The following KCNJ15 variants were observed in gnomAD, a reference collection of about 807,000 sequenced individuals.
KCNJ15 encodes the protein potassium inwardly rectifying channel subfamily J member 15, also known as ATP-sensitive inward rectifier potassium channel 15.
Under a neutral mutation model 23.0 loss-of-function variants are expected in KCNJ15, and 14 were observed. The ratio of observed to expected loss-of-function variants is 0.61; its 90% CI spans 0.40 to 0.95. KCNJ15 has a LOEUF of 0.95. KCNJ15 is among the 40% of genes least tolerant of loss of function. The pLI, the probability that KCNJ15 is intolerant of heterozygous loss-of-function variation, is 0.00. For synonymous variants in KCNJ15, 185 were observed against 183.2 expected (o/e 1.01, Z -0.08); for missense variants, 388 against 461.8 (o/e 0.84, Z 1.46).
At chr21:38,270,913 T>C (rs1982008058) in intron 1 of KCNJ15, among the ~76,000 whole-genome samples, 1 of 152,232 alleles carries the variant, frequency 6.6e-6, no homozygotes, top group Non-Finnish European at 1.5e-5. Context: ...TCCCTATACG[T>C]TGCATGCATC....
Position 38,299,257 on chromosome 21 carries a change from TG to T in KCNJ15, c.-3del. ...CATTTCTCTAAGTGTTTCCAGAGCC[TG>T]GCAATGGATGCCATTCACATCGGCA... On this transcript the variant is annotated 5_prime_UTR_variant, in exon 3 of 3. Transcript: ENST00000398938. This position sits in a 1 kb window ranked among gnomAD's most constrained non-coding sequence, Gnocchi z 4.5. The T allele has an allele frequency of 6.2e-7, 1 of 1,606,364 alleles. No homozygotes were observed. Among genetic ancestry groups the T allele is most frequent in the Non-Finnish European group, 8.5e-7 (1 of 1,174,870 alleles).
At chr21:38,235,722 C>T (rs1415683525) in intron 1 of KCNJ15, among the ~76,000 whole-genome samples, 1 of 152,124 alleles carries the variant, frequency 6.6e-6, no homozygotes, top group Non-Finnish European at 1.5e-5. Flanking sequence ...TGCACATTTA[C>T]TCTATCAATA....
At chr21:38,293,528 C>T (rs1206766957) in intron 1 of KCNJ15, among the ~76,000 whole-genome samples, 6 of 152,212 alleles carry the variant, frequency 3.9e-5, no homozygotes, top group African/African-American at 1.4e-4. Context: ...ATTGTCACAG[C>T]TCTACCAATA....
chr21:38,253,657 T>G (rs937108296), upstream of KCNJ15, among the ~76,000 whole-genome samples: 6 of 152,242 alleles, frequency 3.9e-5, no homozygotes, highest in African/African-American at 1.4e-4. Context: ...TATGTCTTGA[T>G]TCAAGCCAAG....
At chr21:38,278,258 G>T (rs1418514470) in intron 1 of KCNJ15, among the ~76,000 whole-genome samples, 2 of 152,220 alleles carry the variant, frequency 1.3e-5, no homozygotes, top group Non-Finnish European at 2.9e-5. Flanking sequence ...GATGAGATAT[G>T]GCAGCTTGCA....
chr21:38,290,730 A>G (rs964416874), intron 1 of KCNJ15, among the ~76,000 whole-genome samples: 7 of 152,142 alleles, frequency 4.6e-5, no homozygotes, highest in African/African-American at 1.4e-4. Context: ...GAGAAGGGTC[A>G]CACTATTCTA....
chr21:38,299,870 G>A lies in KCNJ15; in HGVS notation c.609G>A (p.Arg203=). ...LCLVIQVANM[R]KSLLIQCQLS... is the part of the protein sequence containing the mutation. ...TGGTGATTCAGGTAGCCAATATGAGGAAGAGCCTCTTGATTCAGTGCCAGC... is the reference window on the plus strand; with the variant it reads ...TGGTGATTCAGGTAGCCAATATGAGAAAGAGCCTCTTGATTCAGTGCCAGC... The change falls in exon 3 of 3, where the codon AGG becomes AGA. Residue 203 remains arginine (R), a synonymous_variant. Coordinates refer to ENST00000398938, the MANE Select transcript of KCNJ15 (RefSeq NM_170736.3). The surrounding 1 kb of genome is among the most constrained non-coding windows in gnomAD (Gnocchi z 4.5). 1 of 1,614,080 alleles carries A rather than the reference G, an allele frequency of 6.2e-7. No individual in the cohort carries two copies. Among genetic ancestry groups the A allele is most frequent in the Non-Finnish European group, 8.5e-7 (1 of 1,180,034 alleles).
intron 1 of KCNJ15, among the ~76,000 whole-genome samples, chr21:38,260,682 AC>A (rs1980793860): frequency 6.6e-6 from 1 of 152,226 alleles, no homozygotes; most frequent in Non-Finnish European, 1.5e-5. Context: ...GCATTTTGGT[AC>A]AAAACACGCA....
At chr21:38,234,478 T>C (rs2055115503) in intron 1 of KCNJ15, among the ~76,000 whole-genome samples, 1 of 152,222 alleles carries the variant, frequency 6.6e-6, no homozygotes, top group Non-Finnish European at 1.5e-5. Context: ...AACTTCCTTC[T>C]AGCAAGAATT....
intron 1 of KCNJ15, among the ~76,000 whole-genome samples, chr21:38,296,301 GC>G (rs1441554142): frequency 6.2e-5 from 9 of 146,094 alleles, no homozygotes; most frequent in African/African-American, 2.2e-4. Flanking sequence ...TAATAGATAG[GC>G]AGATAGCTTA....
chr21:38,240,690 A>G (rs1330809800), intron 1 of KCNJ15, among the ~76,000 whole-genome samples: 2 of 152,240 alleles, frequency 1.3e-5, no homozygotes, highest in African/African-American at 4.8e-5. Context: ...ACATGGATTT[A>G]GTACATTTTT....
chr21:38,259,426 G>A (rs1980649849), intron 1 of KCNJ15, among the ~76,000 whole-genome samples: 1 of 152,144 alleles, frequency 6.6e-6, no homozygotes, highest in Non-Finnish European at 1.5e-5. Context: ...TAATATGTAA[G>A]TGATACAGCT....
chr21:38,253,313 T>G (rs749234715), upstream of KCNJ15, among the ~76,000 whole-genome samples: 7 of 152,212 alleles, frequency 4.6e-5, no homozygotes, highest in Non-Finnish European at 8.8e-5. Context: ...AGGACAAGCT[T>G]CTTGCTAGAA....
chr21:38,298,789 A>G (rs553938312), intron 2 of KCNJ15, among the ~76,000 whole-genome samples: 1 of 152,368 alleles, frequency 6.6e-6, no homozygotes, highest in South Asian at 2.1e-4. Flanking sequence ...TTGGGAATAC[A>G]TGGTAGCTGA....
intron 1 of KCNJ15, among the ~76,000 whole-genome samples, chr21:38,262,982 T>C (rs1981076851): frequency 6.6e-6 from 1 of 152,200 alleles, no homozygotes; most frequent in South Asian, 2.1e-4. Flanking sequence ...CTGGCCGACA[T>C]TGATATCTTA....
chr21:38,288,332 C>T (rs1056858822), intron 1 of KCNJ15, among the ~76,000 whole-genome samples: 5 of 151,950 alleles, frequency 3.3e-5, no homozygotes, highest in East Asian at 1.9e-4. Flanking sequence ...TGAGCCACCG[C>T]GCCCAGCCAT....
At chr21:38,247,806 C>T (rs1979550417) in intron 1 of KCNJ15, among the ~76,000 whole-genome samples, 1 of 152,316 alleles carries the variant, frequency 6.6e-6, no homozygotes, top group South Asian at 2.1e-4. Context: ...TAAACATTCA[C>T]ATGGTCCAGT....
intron 1 of KCNJ15, among the ~76,000 whole-genome samples, chr21:38,258,498 C>T (rs1980521170): frequency 6.6e-6 from 1 of 152,190 alleles, no homozygotes; most frequent in Non-Finnish European, 1.5e-5. Flanking sequence ...TAATAAGTGA[C>T]CATCCAGGGA....
chr21:38,248,650 G>C, intron 1 of KCNJ15, among the ~76,000 whole-genome samples: 1 of 152,200 alleles, frequency 6.6e-6, no homozygotes, highest in East Asian at 1.9e-4. Context: ...GAAGGAACTG[G>C]AGTGCACGGC....
Sources: allele counts gnomAD v4.1 joint callset (sites outside exome capture counted in the v4.1 genomes callset), GRCh38; gene constraint gnomAD v4.1.1; non-coding constraint Gnocchi (gnomAD v3.1); transcripts MANE v1.5; gene names NCBI Gene and HGNC (gene_info 2026-07-23, HGNC 2026-07-21).